SEL1L2: variants seen among roughly 807,000 people sequenced by gnomAD.
SEL1L2 encodes SEL1L2 adaptor subunit of SYVN1 ubiquitin ligase.
A neutral mutation model predicts 98.8 loss-of-function variants in SEL1L2; 89 were observed. That is an observed-to-expected ratio of 0.90 (90% CI 0.76 to 1.07). The LOEUF (loss-of-function observed/expected upper bound fraction) is 1.07. Ranked by LOEUF, SEL1L2 falls within the 50% of genes least tolerant of loss-of-function variation. The probability of loss-of-function intolerance (pLI) is 0.00; values close to 1 mark genes in which losing one functional copy is unlikely to be tolerated. For synonymous variants in SEL1L2, 262 were observed against 278.5 expected (o/e 0.94, Z 0.59); for missense variants, 788 against 812.0 (o/e 0.97, Z 0.36).
At chr20:13,872,290 G>T (rs1300060388) in intron 12 of SEL1L2, among the ~76,000 whole-genome samples, 3 of 152,128 alleles carry the variant, frequency 2.0e-5, no homozygotes. Flanking sequence ...TAATCCCCAT[G>T]CATCATGGGA....
intron 2 of SEL1L2, among the ~76,000 whole-genome samples, chr20:13,947,854 C>T (rs2050088723): frequency 6.6e-6 from 1 of 152,236 alleles, no homozygotes; most frequent in African/African-American, 2.4e-5. Flanking sequence ...TTGCCTATGC[C>T]AGTGCCTGTA....
At position 13,926,184 on chromosome 20, in the gene SEL1L2, A is replaced by G. The variant is rs112920083; in HGVS notation, c.283+5419T>C. 8.6e-3 allele frequency among the ~76,000 whole-genome samples: 1,306 copies of G among 152,274 alleles called. 21 individuals are homozygous for G. The highest frequency in any genetic ancestry group is 0.03 in the African/African-American group (1,238 of 41,540). ...ACAAAAAATTAGCCAGGCGTGGTGC[A>G]GGCGCCCGTAGTCCCAGCTACTCAG... On this transcript the variant is annotated intron_variant, in intron 3 of 19. Transcript: ENST00000284951.
At chr20:13,988,287 C>G (rs1332903035) in intron 1 of SEL1L2, among the ~76,000 whole-genome samples, 1 of 152,184 alleles carries the variant, frequency 6.6e-6, no homozygotes, top group Admixed American at 6.5e-5. Flanking sequence ...ATCCTTCTGC[C>G]TAGGCCTCCC....
At chr20:13,982,025 G>C (rs1277569370) in intron 1 of SEL1L2, among the ~76,000 whole-genome samples, 1 of 152,170 alleles carries the variant, frequency 6.6e-6, no homozygotes, top group Non-Finnish European at 1.5e-5. Flanking sequence ...ACCACACAGG[G>C]ACCTAGACAT....
intron 10 of SEL1L2, among the ~76,000 whole-genome samples, chr20:13,880,421 A>C (rs1483106086): frequency 1.3e-5 from 2 of 152,224 alleles, no homozygotes; most frequent in Non-Finnish European, 2.9e-5. Flanking sequence ...GTCATGGCTT[A>C]CTTAGTATTT....
At chr20:13,994,341 A>G (rs2052592093), upstream of SEL1L2, among the ~76,000 whole-genome samples, 1 of 150,754 alleles carries the variant, frequency 6.6e-6, no homozygotes. Context: ...AAATTACCTT[A>G]CCATGTTGTG....
At chr20:13,979,530 T>A (rs1034712134) in intron 1 of SEL1L2, among the ~76,000 whole-genome samples, 2 of 152,194 alleles carry the variant, frequency 1.3e-5, no homozygotes, top group South Asian at 4.1e-4. Flanking sequence ...GATGCATGAT[T>A]ATGTATCAAC....
intron 5 of SEL1L2, among the ~76,000 whole-genome samples, chr20:13,902,213 G>A (rs528600853): frequency 3.3e-5 from 5 of 152,136 alleles, no homozygotes; most frequent in African/African-American, 9.6e-5. Flanking sequence ...CTCTGGAATC[G>A]AGTCCCACCT....
At chr20:13,873,446 C>G (rs1156840927) in intron 12 of SEL1L2, among the ~76,000 whole-genome samples, 2 of 152,068 alleles carry the variant, frequency 1.3e-5, no homozygotes, top group Non-Finnish European at 2.9e-5. Context: ...ACTACAACCT[C>G]TTCCTCCCGG....
chr20:13,991,469 G>T (rs939790768), upstream of SEL1L2, among the ~76,000 whole-genome samples: 10 of 152,122 alleles, frequency 6.6e-5, no homozygotes, highest in African/African-American at 2.4e-4. Context: ...CAAAGACAAG[G>T]CTAGCTCCTC....
At chr20:13,904,272 T>C (rs1400374004) in intron 5 of SEL1L2, among the ~76,000 whole-genome samples, 1 of 152,226 alleles carries the variant, frequency 6.6e-6, no homozygotes, top group Non-Finnish European at 1.5e-5. Flanking sequence ...CTCACGCCTG[T>C]GATCCCAGCA....
intron 5 of SEL1L2, among the ~76,000 whole-genome samples, chr20:13,897,899 A>T (rs1358312250): frequency 6.6e-6 from 1 of 151,728 alleles, no homozygotes; most frequent in Non-Finnish European, 1.5e-5. Context: ...AAAAAACCCC[A>T]CAATAAGATA....
At chr20:13,959,187 G>C (rs921710919) in intron 1 of SEL1L2, among the ~76,000 whole-genome samples, 1 of 152,156 alleles carries the variant, frequency 6.6e-6, no homozygotes, top group East Asian at 1.9e-4. Flanking sequence ...TCATTTTAAT[G>C]TGTCCTCTTT....
At chr20:13,936,291 G>C (rs984597287) in intron 2 of SEL1L2, among the ~76,000 whole-genome samples, 9 of 152,156 alleles carry the variant, frequency 5.9e-5, no homozygotes, top group Non-Finnish European at 1.2e-4. Context: ...TGGGAGAAAT[G>C]ATAATAGCCC....
intron 1 of SEL1L2, among the ~76,000 whole-genome samples, chr20:13,985,547 C>A (rs1185106414): frequency 6.6e-6 from 1 of 152,160 alleles, no homozygotes; most frequent in African/African-American, 2.4e-5. Flanking sequence ...TGTTTTATTA[C>A]CTACAACACT....
intron 17 of SEL1L2, among the ~76,000 whole-genome samples, chr20:13,861,743 T>A (rs1442824387): frequency 6.6e-6 from 1 of 152,174 alleles, no homozygotes; most frequent in Non-Finnish European, 1.5e-5. Flanking sequence ...GGAATAATAG[T>A]CAGACTCCTT....
intron 5 of SEL1L2, among the ~76,000 whole-genome samples, chr20:13,910,754 A>G (rs966399345): frequency 2.0e-5 from 3 of 152,234 alleles, no homozygotes; most frequent in Non-Finnish European, 2.9e-5. Flanking sequence ...AAAAAATGGC[A>G]AGCAACTGAT....
intron 2 of SEL1L2, among the ~76,000 whole-genome samples, chr20:13,951,633 G>T (rs553219368): frequency 2.3e-4 from 2 of 8,534 alleles, no homozygotes; most frequent in African/African-American, 9.4e-4. Context: ...CTAAAATCTA[G>T]CCTATGTAGA....
At chr20:13,970,492 A>G (rs1248610618) in intron 1 of SEL1L2, among the ~76,000 whole-genome samples, 1 of 152,220 alleles carries the variant, frequency 6.6e-6, no homozygotes, top group Non-Finnish European at 1.5e-5. Context: ...TTGGCATTCC[A>G]AAAAGCTACC....
Sources: gnomAD v4.1 joint callset for allele counts (sites outside exome capture counted in the v4.1 genomes callset) on GRCh38, gnomAD v4.1.1 for gene constraint, MANE v1.5 for transcripts, NCBI Gene and HGNC (gene_info 2026-07-23, HGNC 2026-07-21) for gene names.